TNIK: variants seen among roughly 807,000 people sequenced by gnomAD.
TNIK encodes the protein TRAF2 and NCK-interacting protein kinase.
TNIK carries 49 observed loss-of-function variants against 191.3 expected under a neutral mutation model. The observed-to-expected ratio is 0.26, with a 90% CI of 0.20 to 0.32. The LOEUF (loss-of-function observed/expected upper bound fraction) is 0.32. Among genes scored for constraint, TNIK ranks in the 10% least tolerant of loss-of-function variants. The pLI, the probability that TNIK is intolerant of heterozygous loss-of-function variation, is 1.00. For missense variants in TNIK, 1,155 were observed against 1,702.3 expected (o/e 0.68, Z 5.66); for synonymous variants, 594 against 600.9 (o/e 0.99, Z 0.17).
At chr3:171,180,085 G>C (rs1318948509) in intron 7 of TNIK, among the ~76,000 whole-genome samples, 10 of 152,200 alleles carry the variant, frequency 6.6e-5, no homozygotes, top group Admixed American at 6.5e-4. Flanking sequence ...AGAAAGCTTT[G>C]AGCTGGGTTG....
chr3:171,385,110 G>A (rs1014711789), intron 1 of TNIK, among the ~76,000 whole-genome samples: 3 of 152,084 alleles, frequency 2.0e-5, no homozygotes, highest in African/African-American at 7.2e-5. Flanking sequence ...AGGTCAAAAC[G>A]GTACATTAAG....
chr3:171,158,607 A>T (rs1733542241), intron 11 of TNIK, among the ~76,000 whole-genome samples: 1 of 152,166 alleles, frequency 6.6e-6, no homozygotes, highest in African/African-American at 2.4e-5. Context: ...TTAAACACAT[A>T]TTTACGGAGC....
chr3:171,112,066 A>G (rs180995611), intron 18 of TNIK, among the ~76,000 whole-genome samples: 1 of 152,212 alleles, frequency 6.6e-6, no homozygotes, highest in East Asian at 1.9e-4. Context: ...CTTAAATGTC[A>G]TCAGAAAAAA....
At chr3:171,425,126 A>C (rs561794980) in intron 1 of TNIK, among the ~76,000 whole-genome samples, 1 of 152,344 alleles carries the variant, frequency 6.6e-6, no homozygotes, top group South Asian at 2.1e-4. Flanking sequence ...CATTCAATTT[A>C]TGCATGATTA....
At chr3:171,223,151 T>C (rs1742564968) in intron 3 of TNIK, among the ~76,000 whole-genome samples, 1 of 152,192 alleles carries the variant, frequency 6.6e-6, no homozygotes, top group Admixed American at 6.5e-5. Flanking sequence ...AACTAAGCTA[T>C]GTGCAGTTTC....
chr3:171,093,142 A>G (rs1297474530), intron 23 of TNIK, among the ~76,000 whole-genome samples: 1 of 152,196 alleles, frequency 6.6e-6, no homozygotes, highest in Non-Finnish European at 1.5e-5. Context: ...CATGGTGATG[A>G]TGAAGTGAAA....
At chr3:171,402,044 C>T (rs1721017761) in intron 1 of TNIK, among the ~76,000 whole-genome samples, 3 of 152,198 alleles carry the variant, frequency 2.0e-5, no homozygotes, top group South Asian at 2.1e-4. Flanking sequence ...ACCCCTCAAA[C>T]AAGAAATGCT....
chr3:171,289,265 A>G (rs1751409376), intron 2 of TNIK, among the ~76,000 whole-genome samples: 1 of 152,234 alleles, frequency 6.6e-6, no homozygotes. Flanking sequence ...GGCCTTTGAA[A>G]GAACCTGTAA....
chr3:171,138,403 C>G lies in TNIK; in HGVS notation c.1420-24G>C, dbSNP rs1730333420. ...TCCTGTCCAGATCAGGAAAGAGGAG[C>G]AAAGAAAAGGCCAAATTATCACATA... On this transcript the variant is annotated intron_variant, in intron 14 of 32. Transcript: ENST00000436636. The G allele has an allele frequency of 5.3e-6, 8 of 1,496,016 alleles. 1 individual carries two copies. The African/African-American group carries it at 7.0e-5, about 13-fold the overall frequency. The allele number at this position is 1,496,016 out of a possible 1,614,324, so 92.7% of individuals were successfully genotyped here.
intron 17 of TNIK, among the ~76,000 whole-genome samples, chr3:171,124,665 G>A (rs572107838): frequency 1.3e-5 from 2 of 152,178 alleles, no homozygotes; most frequent in South Asian, 2.1e-4. Context: ...AAAGCAGAAT[G>A]ACCAAATCAA....
At position 171,062,162 on chromosome 3, in the gene TNIK, G is replaced by C. The variant is rs913385651; in HGVS notation, c.*1719C>G. ...GTATTTAGGCAAAGTCAGTAAGATC[G>C]TAGTTTTTTTTGTTGTTGTTGTTCC... On this transcript the variant is annotated 3_prime_UTR_variant, in exon 33 of 33. Coordinates refer to ENST00000436636, the MANE Select transcript of TNIK (RefSeq NM_015028.4). 2 of 152,026 alleles carry C rather than the reference G, an allele frequency of 1.3e-5. No homozygotes were observed. Among genetic ancestry groups the C allele is most frequent in the African/African-American group, 4.8e-5 (2 of 41,370 alleles). 9.4% of individuals were successfully genotyped at this position (152,026 alleles called of 1,614,324 possible).
chr3:171,330,671 G>A (rs953325723), intron 2 of TNIK, among the ~76,000 whole-genome samples: 9 of 152,024 alleles, frequency 5.9e-5, no homozygotes, highest in South Asian at 2.1e-4. Flanking sequence ...GGAACCTAGC[G>A]GCCAAAAACC....
chr3:171,325,731 G>A (rs945487064), intron 2 of TNIK, among the ~76,000 whole-genome samples: 18 of 152,202 alleles, frequency 1.2e-4, no homozygotes, highest in Admixed American at 1.1e-3. Flanking sequence ...TCGGGGAGCC[G>A]ATAACAGTTT....
intron 7 of TNIK, among the ~76,000 whole-genome samples, chr3:171,182,167 ATTTTTTT>A (rs749734562): frequency 1.2e-4 from 8 of 65,610 alleles, no homozygotes; most frequent in East Asian, 1.3e-3. Flanking sequence ...CATTGTTAGG[ATTTTTTT>A]TTTTTTTTTT....
intron 11 of TNIK, among the ~76,000 whole-genome samples, chr3:171,158,655 A>T (rs1733549485): frequency 6.6e-6 from 1 of 152,236 alleles, no homozygotes. Flanking sequence ...AGCTCTAAGG[A>T]TACGGCAGTT....
intron 24 of TNIK, among the ~76,000 whole-genome samples, chr3:171,085,605 A>G (rs1479499888): frequency 6.6e-6 from 1 of 152,216 alleles, no homozygotes; most frequent in African/African-American, 2.4e-5. Flanking sequence ...CATAATTGGC[A>G]ATAAACTAAG....
At chr3:171,283,310 CTTTTTCT>C (rs905977443) in intron 2 of TNIK, among the ~76,000 whole-genome samples, 41 of 151,466 alleles carry the variant, frequency 2.7e-4, no homozygotes, top group South Asian at 1.7e-3. Context: ...TAGAACTACT[CTTTTTCT>C]TTTTTCTTTT....
At chr3:171,263,451 G>A (rs906205140) in intron 2 of TNIK, among the ~76,000 whole-genome samples, 4 of 152,134 alleles carry the variant, frequency 2.6e-5, no homozygotes, top group African/African-American at 9.7e-5. Flanking sequence ...CAACAGAGAG[G>A]AACAATTTTG....
At chr3:171,296,789 C>A (rs1208387049) in intron 2 of TNIK, among the ~76,000 whole-genome samples, 2 of 152,152 alleles carry the variant, frequency 1.3e-5, no homozygotes, top group East Asian at 3.9e-4. Context: ...TCTTAAATGA[C>A]ACTTTTATCT....
Sources: allele counts gnomAD v4.1 joint callset (sites outside exome capture counted in the v4.1 genomes callset), GRCh38; gene constraint gnomAD v4.1.1; transcripts MANE v1.5; gene names NCBI Gene and HGNC (gene_info 2026-07-23, HGNC 2026-07-21).